Variants in RBFOX1 observed in about 807,000 individuals in gnomAD.
RBFOX1 encodes the protein RNA binding fox-1 homolog 1.
A neutral mutation model predicts 57.7 loss-of-function variants in RBFOX1; 8 were observed. That is an observed-to-expected ratio of 0.14 (90% confidence interval 0.08 to 0.25). The LOEUF (loss-of-function observed/expected upper bound fraction) is 0.25, where lower values mean the gene tolerates loss of function less well. RBFOX1 is among the 10% of genes least tolerant of loss of function. RBFOX1 has a pLI of 1.00. For synonymous variants in RBFOX1, 326 were observed against 222.4 expected, an observed-to-expected ratio of 1.47 and a Z score of -4.15; for missense variants, 611 against 548.5, an observed-to-expected ratio of 1.11 and a Z score of -1.14.
rs760315177 is a variant in RBFOX1, at chr16:6,007,515, C to T, written c.351+140180C>T. 7.9e-5 allele frequency among the ~76,000 whole-genome samples: 12 copies of T among 152,290 alleles called. No homozygotes were observed. The East Asian group carries it at 1.2e-3, about 15-fold the overall frequency. Reference sequence around the variant, plus strand: ...TTCCAGCCTTGCCAGAGACCTTGAACGAGAGGTACCCAGTAGAGCCATGCT... The same window carrying T: ...TTCCAGCCTTGCCAGAGACCTTGAATGAGAGGTACCCAGTAGAGCCATGCT... On this transcript the variant is annotated intron_variant, in intron 4 of 19. Coordinates refer to the RBFOX1 transcript ENST00000641259.
intron 2 of RBFOX1, among the ~76,000 whole-genome samples, chr16:6,640,049 A>C (rs1251072587): frequency 3.3e-5 from 5 of 152,320 alleles, no homozygotes; most frequent in African/African-American, 9.6e-5. Context: ...CAGAAACTAA[A>C]GAACAGATAA....
chr16:7,106,936 G>T (rs536969592), intron 4 of RBFOX1, among the ~76,000 whole-genome samples: 5 of 148,746 alleles, frequency 3.4e-5, no homozygotes, highest in Admixed American at 6.8e-5. Context: ...ACATGGACAC[G>T]TCCCTAATCC....
At chr16:6,960,943 C>T (rs935330171) in intron 3 of RBFOX1, among the ~76,000 whole-genome samples, 5 of 133,998 alleles carry the variant, frequency 3.7e-5, no homozygotes, top group South Asian at 2.3e-4. Context: ...GCCTGGCCAA[C>T]GTGATGAAAC....
chr16:7,552,481 G>T (rs961317739), intron 5 of RBFOX1, among the ~76,000 whole-genome samples: 1 of 152,132 alleles, frequency 6.6e-6, no homozygotes, highest in Non-Finnish European at 1.5e-5. Context: ...GAGTCTAATG[G>T]AACGGCCTGA....
chr16:6,791,228 A>G (rs979141814), intron 3 of RBFOX1, among the ~76,000 whole-genome samples: 6 of 152,166 alleles, frequency 3.9e-5, no homozygotes, highest in African/African-American at 1.2e-4. Flanking sequence ...ATCTTTATAG[A>G]GTTGGCAGAA....
intron 1 of RBFOX1, among the ~76,000 whole-genome samples, chr16:6,312,983 G>C (rs894851977): frequency 2.0e-5 from 3 of 152,058 alleles, no homozygotes; most frequent in Non-Finnish European, 4.4e-5. Context: ...CTGGGATATG[G>C]GCTATGAAGA....
intron 4 of RBFOX1, among the ~76,000 whole-genome samples, chr16:5,950,569 G>A (rs997541679): frequency 1.2e-4 from 18 of 152,116 alleles, no homozygotes; most frequent in Admixed American, 9.8e-4. Context: ...TATTTAATGT[G>A]TTACAATCAT....
At chr16:6,888,501 A>T (rs11863804) in intron 3 of RBFOX1, among the ~76,000 whole-genome samples, 12 of 151,980 alleles carry the variant, frequency 7.9e-5, no homozygotes, top group African/African-American at 2.4e-4. Context: ...TTCCCTTGCA[A>T]TTGCACTCTC....
intron 1 of RBFOX1, among the ~76,000 whole-genome samples, chr16:5,345,040 C>T (rs2065110964): frequency 1.3e-5 from 2 of 152,246 alleles, no homozygotes. Context: ...TCTAGTTCTT[C>T]TGTTCCCGTC....
chr16:5,362,560 C>G (rs942665940), intron 1 of RBFOX1, among the ~76,000 whole-genome samples: 4 of 152,138 alleles, frequency 2.6e-5, no homozygotes, highest in African/African-American at 9.7e-5. Context: ...CGGGGTTTCT[C>G]CATGTTGGTC....
intron 4 of RBFOX1, among the ~76,000 whole-genome samples, chr16:5,963,400 C>G (rs1457840186): frequency 6.6e-6 from 1 of 152,114 alleles, no homozygotes. Flanking sequence ...TCAGGTTGTA[C>G]ACACAGAAAA....
At chr16:6,505,881 A>G (rs893366078) in intron 2 of RBFOX1, among the ~76,000 whole-genome samples, 2 of 152,174 alleles carry the variant, frequency 1.3e-5, no homozygotes, top group East Asian at 1.9e-4. Flanking sequence ...CTGTTAAACA[A>G]TGGGCGAAAG....
At chr16:7,254,030 C>T (rs1206061819) in intron 4 of RBFOX1, among the ~76,000 whole-genome samples, 2 of 152,120 alleles carry the variant, frequency 1.3e-5, no homozygotes, top group Admixed American at 6.6e-5. Context: ...TGTAAATCCT[C>T]CTAACATGTT....
rs146212803 is a variant in RBFOX1 at position 6,548,671 on chromosome 16, C to T, written c.-63-105932C>T. ...AAGCACACGGGGTAGACTTCAGGCGCGGTTGAGTCAGAAGATTTCACGATG... is the reference window on the plus strand; with the variant it reads ...AAGCACACGGGGTAGACTTCAGGCGTGGTTGAGTCAGAAGATTTCACGATG... On this transcript the variant is annotated intron_variant, in intron 2 of 15. Coordinates refer to ENST00000550418, the MANE Select transcript of RBFOX1 (RefSeq NM_018723.4). Among the ~76,000 whole-genome samples the T allele has an allele frequency of 4.6e-4, 70 of 152,242 alleles. No individual in the cohort carries two copies. The East Asian group carries it at 5.6e-3, about 12-fold the overall frequency.
intron 3 of RBFOX1, among the ~76,000 whole-genome samples, chr16:5,642,663 TA>T: frequency 6.6e-6 from 1 of 152,108 alleles, no homozygotes; most frequent in Non-Finnish European, 1.5e-5. Flanking sequence ...AGAAGCTGGC[TA>T]GCCGATGAAT....
At chr16:5,618,933 G>A (rs2048124999) in intron 3 of RBFOX1, among the ~76,000 whole-genome samples, 1 of 152,328 alleles carries the variant, frequency 6.6e-6, no homozygotes, top group African/African-American at 2.4e-5. Flanking sequence ...AGGTAGGGCA[G>A]ATGACTTTGG....
At chr16:7,444,902 C>T (rs1393590767) in intron 4 of RBFOX1, among the ~76,000 whole-genome samples, 4 of 152,126 alleles carry the variant, frequency 2.6e-5, no homozygotes, top group Non-Finnish European at 5.9e-5. Context: ...ACAGTTACTA[C>T]GCGTAACAGC....
chr16:7,408,620 A>C (rs1371546948), intron 4 of RBFOX1, among the ~76,000 whole-genome samples: 1 of 152,230 alleles, frequency 6.6e-6, no homozygotes, highest in Non-Finnish European at 1.5e-5. Context: ...ATCTTGGTCT[A>C]GAGGAGCAAT....
At chr16:6,479,979 G>A (rs2095346612) in intron 2 of RBFOX1, among the ~76,000 whole-genome samples, 1 of 150,490 alleles carries the variant, frequency 6.6e-6, no homozygotes, top group Non-Finnish European at 1.5e-5. Flanking sequence ...TAAACCCAGG[G>A]GCAGAGGTTG....
Sources: allele counts gnomAD v4.1 joint callset (sites outside exome capture counted in the v4.1 genomes callset), GRCh38; gene constraint gnomAD v4.1.1; transcripts MANE v1.5; gene names NCBI Gene and HGNC (gene_info 2026-07-23, HGNC 2026-07-21).